EXOC4: variants seen among roughly 807,000 people sequenced by gnomAD.
EXOC4 encodes the protein SEC8-like 1.
EXOC4 carries 71 observed loss-of-function variants against 107.2 expected under a neutral mutation model. The observed-to-expected ratio is 0.66, with a 90% CI of 0.55 to 0.81. The LOEUF (loss-of-function observed/expected upper bound fraction) is 0.81. EXOC4 is among the 30% of genes least tolerant of loss of function. EXOC4 has a pLI of 0.00. For missense variants in EXOC4, 1,108 were observed against 1,189.6 expected, an observed-to-expected ratio of 0.93 and a Z score of 1.01; for synonymous variants, 456 against 441.2, an observed-to-expected ratio of 1.03 and a Z score of -0.42.
At chr7:133,683,833 A>G (rs1461889752) in intron 10 of EXOC4, among the ~76,000 whole-genome samples, 1 of 152,184 alleles carries the variant, frequency 6.6e-6, no homozygotes, top group Non-Finnish European at 1.5e-5. Flanking sequence ...TAACATCAAA[A>G]TATAACAAGC....
chr7:133,580,454 T>C (rs745789479), intron 9 of EXOC4, among the ~76,000 whole-genome samples: 35 of 152,326 alleles, frequency 2.3e-4, no homozygotes, highest in Non-Finnish European at 4.0e-4. Flanking sequence ...ATTTGACTTT[T>C]TCACAGTAGT....
At chr7:133,910,421 G>C (rs1799667168) in intron 12 of EXOC4, among the ~76,000 whole-genome samples, 1 of 152,156 alleles carries the variant, frequency 6.6e-6, no homozygotes, top group African/African-American at 2.4e-5. Context: ...CTCTTGGATG[G>C]TTTCTGTTTT....
intron 5 of EXOC4, among the ~76,000 whole-genome samples, chr7:133,322,558 T>C (rs1012691447): frequency 3.9e-5 from 6 of 152,206 alleles, no homozygotes; most frequent in Non-Finnish European, 8.8e-5. Context: ...GAGGCTTCTG[T>C]TCTGTTCCAT....
At chr7:133,787,615 G>A (rs1288128925) in intron 10 of EXOC4, among the ~76,000 whole-genome samples, 1 of 151,724 alleles carries the variant, frequency 6.6e-6, no homozygotes, top group Non-Finnish European at 1.5e-5. Flanking sequence ...TGTCAGTGTG[G>A]TCAAGTTCTG....
In EXOC4 at chr7:133,520,254, T is replaced by C. The variant is rs1584974208; in HGVS notation, c.1417+40116T>C. On this transcript the variant is annotated intron_variant, in intron 9 of 17. Coordinates refer to ENST00000253861, the MANE Select transcript of EXOC4 (RefSeq NM_021807.4). ...GGTGAAAACCTGAGCATGTATCTTA[T>C]TCCTGTTCTTGCCACAATATTTTAT... 1.3e-5 allele frequency among the ~76,000 whole-genome samples: 2 copies of C among 152,330 alleles called. 1 individual carries two copies. The highest frequency in any genetic ancestry group is 6.8e-3 in the Middle Eastern group (2 of 294).
intron 10 of EXOC4, among the ~76,000 whole-genome samples, chr7:133,698,690 A>G (rs563052937): frequency 1.3e-5 from 2 of 152,180 alleles, no homozygotes; most frequent in Middle Eastern, 6.9e-3. Context: ...ACCTATATTC[A>G]GTGTGCACAT....
chr7:134,003,074 A>G (rs745361323), intron 15 of EXOC4, among the ~76,000 whole-genome samples: 1 of 152,196 alleles, frequency 6.6e-6, no homozygotes, highest in Non-Finnish European at 1.5e-5. Flanking sequence ...GAATCTAAAT[A>G]TCAATGGGCG....
intron 17 of EXOC4, among the ~76,000 whole-genome samples, chr7:134,034,951 A>G (rs1384354753): frequency 6.6e-6 from 1 of 152,190 alleles, no homozygotes; most frequent in African/African-American, 2.4e-5. Flanking sequence ...CAAAAGTAAG[A>G]ATGTAGCTGA....
At chr7:133,735,118 CGGG>C (rs1428226420) in intron 10 of EXOC4, among the ~76,000 whole-genome samples, 1 of 136,668 alleles carries the variant, frequency 7.3e-6, no homozygotes, top group Admixed American at 8.1e-5. Context: ...CCCAGCTACT[CGGG>C]AGGCTGAGGC....
chr7:133,644,484 A>G (rs1003006699), intron 10 of EXOC4, among the ~76,000 whole-genome samples: 2 of 152,210 alleles, frequency 1.3e-5, no homozygotes, highest in African/African-American at 4.8e-5. Flanking sequence ...ATATAATAGC[A>G]TTAATAGCTA....
chr7:133,921,668 G>A (rs557629666), intron 13 of EXOC4, among the ~76,000 whole-genome samples: 2 of 151,952 alleles, frequency 1.3e-5, no homozygotes, highest in Non-Finnish European at 2.9e-5. Flanking sequence ...TAGAATTTAT[G>A]GTGTGTATCC....
chr7:133,724,102 G>C (rs777663344), intron 10 of EXOC4, among the ~76,000 whole-genome samples: 1 of 152,278 alleles, frequency 6.6e-6, no homozygotes, highest in East Asian at 1.9e-4. Context: ...ACAGTTTAAT[G>C]ATGATAGATT....
At chr7:133,974,011 G>C (rs1376913996) in intron 14 of EXOC4, among the ~76,000 whole-genome samples, 2 of 152,186 alleles carry the variant, frequency 1.3e-5, no homozygotes, top group Non-Finnish European at 2.9e-5. Context: ...CTCCTGCTAT[G>C]ATGGCCTTAA....
intron 9 of EXOC4, among the ~76,000 whole-genome samples, chr7:133,555,928 T>C (rs1029315194): frequency 6.6e-6 from 1 of 152,230 alleles, no homozygotes; most frequent in African/African-American, 2.4e-5. Context: ...AACTTCATTT[T>C]ACCTGTTAGT....
intron 1 of EXOC4, among the ~76,000 whole-genome samples, chr7:133,258,441 A>G (rs191945644): frequency 1.3e-5 from 2 of 152,246 alleles, no homozygotes; most frequent in African/African-American, 2.4e-5. Context: ...TTGCTGTATT[A>G]CCTGTGTAAC....
At chr7:133,921,902 T>C (rs1456573863) in intron 13 of EXOC4, among the ~76,000 whole-genome samples, 2 of 152,166 alleles carry the variant, frequency 1.3e-5, no homozygotes, top group Non-Finnish European at 2.9e-5. Flanking sequence ...AGATATTCTG[T>C]TGTTTTATTC....
chr7:133,744,320 C>G (rs1487095530), intron 10 of EXOC4, among the ~76,000 whole-genome samples: 1 of 152,110 alleles, frequency 6.6e-6, no homozygotes, highest in Non-Finnish European at 1.5e-5. Context: ...CCCCTTGAAC[C>G]TCCCCTCCTT....
intron 9 of EXOC4, among the ~76,000 whole-genome samples, chr7:133,553,141 T>C (rs1177726742): frequency 6.6e-6 from 1 of 152,188 alleles, no homozygotes; most frequent in East Asian, 1.9e-4. Context: ...TATCCCAGTT[T>C]ATAGGATGAT....
intron 10 of EXOC4, among the ~76,000 whole-genome samples, chr7:133,650,486 G>C (rs1443791804): frequency 2.6e-4 from 39 of 151,918 alleles, no homozygotes; most frequent in Non-Finnish European, 5.9e-5. Context: ...TCAAATTGGT[G>C]GGTTTTTTTA....
Sources: gnomAD v4.1 joint callset for allele counts (sites outside exome capture counted in the v4.1 genomes callset) on GRCh38, gnomAD v4.1.1 for gene constraint, MANE v1.5 for transcripts, NCBI Gene and HGNC (gene_info 2026-07-23, HGNC 2026-07-21) for gene names.